The following TTC7A variants were observed in gnomAD, a reference collection of about 807,000 sequenced individuals.
TTC7A encodes tetratricopeptide repeat protein 7A.
In TTC7A, 110 loss-of-function variants were observed where a neutral mutation model predicts 103.7. The ratio of observed to expected loss-of-function variants is 1.06; its 90% confidence interval spans 0.91 to 1.24. The LOEUF (loss-of-function observed/expected upper bound fraction) is 1.24, where lower values mean the gene tolerates loss of function less well. TTC7A is among the 50% of genes most tolerant of loss of function. The pLI, the probability that TTC7A is intolerant of heterozygous loss-of-function variation, is 0.00. For synonymous variants in TTC7A, 521 were observed against 467.9 expected (o/e 1.11, Z -1.47); for missense variants, 1,340 against 1,116.3 (o/e 1.20, Z -2.86).
chr2:47,070,818 G>T (rs1684619221), intron 19 of TTC7A, among the ~76,000 whole-genome samples: 1 of 152,176 alleles, frequency 6.6e-6, no homozygotes, highest in African/African-American at 2.4e-5. Context: ...CCCCCTTGGA[G>T]GTACGATGTC....
chr2:47,010,187 CTT>C (rs1677889389), intron 10 of TTC7A, among the ~76,000 whole-genome samples: 1 of 152,136 alleles, frequency 6.6e-6, no homozygotes, highest in Non-Finnish European at 1.5e-5. Context: ...TCTCCAGACT[CTT>C]TTCTGTAAAG....
rs766290972 is a variant in TTC7A at position 47,005,911 on chromosome 2, C to G, written c.1066-11C>G. 5 of 1,613,842 alleles carry G rather than the reference C, an allele frequency of 3.1e-6. No homozygotes were observed. The African/African-American group carries it at 5.3e-5, about 17-fold the overall frequency. ...CTCCTCACTCTTTCCCAAACAATGT[C>G]CCACCCACAGGCAACTCGAGATGTG... On this transcript the variant is annotated splice_polypyrimidine_tract_variant and intron_variant, in intron 8 of 19. Transcript: ENST00000319190.
intron 8 of TTC7A, among the ~76,000 whole-genome samples, chr2:46,997,635 C>T (rs555186885): frequency 3.1e-4 from 47 of 152,258 alleles, no homozygotes; most frequent in African/African-American, 1.1e-3. Context: ...AGCCCCAGGA[C>T]GCAGGGCTCC....
At chr2:47,036,561 G>T (rs987667826) in intron 15 of TTC7A, among the ~76,000 whole-genome samples, 1 of 152,174 alleles carries the variant, frequency 6.6e-6, no homozygotes, top group East Asian at 1.9e-4. Flanking sequence ...GGAGGGTAAG[G>T]CCTGTTAGAG....
intron 3 of TTC7A, among the ~76,000 whole-genome samples, chr2:46,973,362 G>A (rs574441051): frequency 6.6e-6 from 1 of 152,360 alleles, no homozygotes; most frequent in South Asian, 2.1e-4. Context: ...AAAAAGTAGA[G>A]TGGCAGAAGA....
At chr2:47,060,731 C>T (rs775030554) in intron 18 of TTC7A, 38 bp from the exon 19 acceptor site, 8 of 1,560,176 alleles carry the variant, frequency 5.1e-6, no homozygotes, top group East Asian at 2.3e-5. Context: ...TCTGACTCCC[C>T]ACCACTCACA....
chr2:47,024,048 C>T (rs1025182545), intron 13 of TTC7A, among the ~76,000 whole-genome samples: 4 of 152,122 alleles, frequency 2.6e-5, no homozygotes, highest in African/African-American at 9.7e-5. Flanking sequence ...TCCCAGATGG[C>T]CCCTACCTCA....
chr2:46,950,581 C>T, intron 2 of TTC7A, 55 bp downstream of exon 2: 1 of 1,580,638 alleles, frequency 6.3e-7, no homozygotes, highest in Non-Finnish European at 8.6e-7. Context: ...TCTTGCCTCG[C>T]ATCTGTCCAG....
At chr2:47,061,290 G>T (rs1029698459) in intron 19 of TTC7A, among the ~76,000 whole-genome samples, 1 of 149,802 alleles carries the variant, frequency 6.7e-6, no homozygotes, top group African/African-American at 2.4e-5. Flanking sequence ...GCCCCAAAAG[G>T]CTCTCATTGT....
Position 47,013,533 on chromosome 2 carries a change from GC to G in TTC7A, c.1392+2099del, listed in dbSNP as rs1307921792. Among the ~76,000 whole-genome samples the G allele has an allele frequency of 4.6e-5, 7 of 152,172 alleles. No individual in the cohort carries two copies. The East Asian group carries it at 7.7e-4, about 17-fold the overall frequency. On this transcript the variant is annotated intron_variant, in intron 11 of 19. Coordinates refer to ENST00000319190, the MANE Select transcript of TTC7A (RefSeq NM_020458.4). ...CTCTGAGGGGGTGTAGCGGGGGAGG[GC>G]ATCTGTGCCCCTCAAGGCTGCCAGC...
chr2:47,019,994 G>C (rs1679100009), intron 11 of TTC7A, among the ~76,000 whole-genome samples: 1 of 152,136 alleles, frequency 6.6e-6, no homozygotes. Context: ...ACAGCCACCT[G>C]ATAAGCTCTT....
At chr2:47,010,037 G>C (rs1310683562) in intron 10 of TTC7A, among the ~76,000 whole-genome samples, 1 of 152,120 alleles carries the variant, frequency 6.6e-6, no homozygotes, top group Non-Finnish European at 1.5e-5. Flanking sequence ...GCCATTCATA[G>C]GCTGTGTGGC....
At chr2:46,968,950 T>A (rs1372113240) in intron 3 of TTC7A, among the ~76,000 whole-genome samples, 8 of 137,296 alleles carry the variant, frequency 5.8e-5, no homozygotes, top group Admixed American at 2.2e-4. Flanking sequence ...TTTTTTTTTT[T>A]AAGAGATAAA....
At chr2:47,063,047 C>T (rs926130347) in intron 19 of TTC7A, among the ~76,000 whole-genome samples, 6 of 152,208 alleles carry the variant, frequency 3.9e-5, no homozygotes, top group Non-Finnish European at 5.9e-5. Context: ...ATTTGCTAAG[C>T]GCTCATTTTC....
At chr2:47,012,718 C>T (rs1326666031) in intron 11 of TTC7A, among the ~76,000 whole-genome samples, 1 of 152,190 alleles carries the variant, frequency 6.6e-6, no homozygotes, top group African/African-American at 2.4e-5. Context: ...TGGGTCCCCG[C>T]CTCATCATCG....
At chr2:47,001,891 G>A (rs1369095979) in intron 8 of TTC7A, among the ~76,000 whole-genome samples, 1 of 150,816 alleles carries the variant, frequency 6.6e-6, no homozygotes, top group African/African-American at 2.4e-5. Context: ...AGTAATGCAT[G>A]TCACACGCAT....
chr2:47,036,368 G>T (rs1359498511), intron 15 of TTC7A, among the ~76,000 whole-genome samples: 5 of 152,218 alleles, frequency 3.3e-5, no homozygotes, highest in African/African-American at 1.2e-4. Context: ...TCATTAAGAG[G>T]TGGAGGATCA....
At chr2:46,997,272 C>T (rs1676303668) in intron 8 of TTC7A, among the ~76,000 whole-genome samples, 1 of 152,098 alleles carries the variant, frequency 6.6e-6, no homozygotes, top group African/African-American at 2.4e-5. Context: ...AGCCACTGTG[C>T]CCGGCCTAAA....
At chr2:46,955,681 A>G (rs935176273) in intron 2 of TTC7A, among the ~76,000 whole-genome samples, 1 of 152,218 alleles carries the variant, frequency 6.6e-6, no homozygotes, top group African/African-American at 2.4e-5. Flanking sequence ...TGTCTGTGCC[A>G]CGCTTCATTT....
Sources: gnomAD v4.1 joint callset for allele counts (sites outside exome capture counted in the v4.1 genomes callset) on GRCh38, gnomAD v4.1.1 for gene constraint, MANE v1.5 for transcripts, NCBI Gene and HGNC (gene_info 2026-07-23, HGNC 2026-07-21) for gene names.